The following GREB1 variants were observed in gnomAD, a reference collection of about 807,000 sequenced individuals.
The protein encoded by GREB1 is protein GREB1.
In GREB1, 106 loss-of-function variants were observed where a neutral mutation model predicts 200.7. The observed-to-expected ratio is 0.53, with a 90% CI of 0.45 to 0.62. The LOEUF (loss-of-function observed/expected upper bound fraction) is 0.62, where lower values mean the gene tolerates loss of function less well. Ranked by LOEUF, GREB1 falls within the 20% of genes least tolerant of loss-of-function variation. The pLI is 0.00. For synonymous variants in GREB1, 1,132 were observed against 1,092.4 expected (o/e 1.04, Z -0.72); for missense variants, 2,243 against 2,556.8 (o/e 0.88, Z 2.65).
intron 11 of GREB1, among the ~76,000 whole-genome samples, chr2:11,593,419 A>AACTC (rs10693974): frequency 0.4 from 60,872 of 151,774 alleles, 12,504 homozygotes; most frequent in African/African-American, 0.47. Flanking sequence ...TCACACCAGG[A>AACTC]TGGCCCTGTT....
At chr2:11,520,301 C>G (rs1461354749) in intron 1 of GREB1, among the ~76,000 whole-genome samples, 1 of 152,196 alleles carries the variant, frequency 6.6e-6, no homozygotes, top group African/African-American at 2.4e-5. Flanking sequence ...GATCTATTGG[C>G]TTAAAACAGC....
chr2:11,518,519 G>A (rs12468776), intron 1 of GREB1, among the ~76,000 whole-genome samples: 66,714 of 148,730 alleles, frequency 0.45, 16,904 homozygotes, highest in East Asian at 0.72. Context: ...GCTGCAGTGG[G>A]CAGGGGGCGG....
rs200072553 is a variant in GREB1 at position 11,635,251 on chromosome 2, C to T, written c.5211-19C>T. On this transcript the variant is annotated intron_variant, in intron 29 of 32. Coordinates refer to ENST00000381486, the MANE Select transcript of GREB1 (RefSeq NM_014668.4). ...GAGCTGTGCCCCATCAGACCCACCCCTCCTCTGGCCCTGAGTAGGTTCCTG... is the reference window on the plus strand; with the variant it reads ...GAGCTGTGCCCCATCAGACCCACCCTTCCTCTGGCCCTGAGTAGGTTCCTG... 11 of 1,614,024 alleles carry T rather than the reference C, an allele frequency of 6.8e-6. No individual in the cohort carries two copies. The Admixed American group carries it at 1.7e-4, about 24-fold the overall frequency.
At chr2:11,517,171 C>T (rs1673535404) in intron 1 of GREB1, among the ~76,000 whole-genome samples, 1 of 152,188 alleles carries the variant, frequency 6.6e-6, no homozygotes, top group Admixed American at 6.5e-5. Context: ...GCCAGGCTGG[C>T]CCTCTTCCCT....
At chr2:11,582,315 T>A (rs1376017064) in intron 7 of GREB1, among the ~76,000 whole-genome samples, 6 of 152,142 alleles carry the variant, frequency 3.9e-5, no homozygotes, top group Non-Finnish European at 7.4e-5. Context: ...ATGGAGCTCC[T>A]CCAAATTGCC....
intron 10 of GREB1, chr2:11,591,446 A>G: frequency 1.4e-6 from 1 of 721,042 alleles, no homozygotes; most frequent in South Asian, 1.5e-5. Context: ...CATAAAAGAG[A>G]AAATACCAGA....
intron 1 of GREB1, among the ~76,000 whole-genome samples, chr2:11,553,087 A>G (rs947053837): frequency 2.0e-5 from 3 of 150,896 alleles, no homozygotes; most frequent in Admixed American, 6.6e-5. Flanking sequence ...GTATGTACTT[A>G]TTGTTCTGAT....
intron 4 of GREB1, 59 bp from the exon 5 acceptor site, chr2:11,576,294 C>T (rs555281672): frequency 3.2e-5 from 45 of 1,391,886 alleles, no homozygotes; most frequent in East Asian, 3.0e-4. Flanking sequence ...ATGACAAGAA[C>T]GAGACTTCAT....
chr2:11,607,563 T>C (rs1443423759), intron 17 of GREB1, among the ~76,000 whole-genome samples: 1 of 132,216 alleles, frequency 7.6e-6, no homozygotes, highest in South Asian at 2.3e-4. Context: ...TACATATATA[T>C]ACGCATATAT....
At chr2:11,612,394 A>G in intron 18 of GREB1, 101 bp from the exon 19 acceptor site, 2 of 1,481,134 alleles carry the variant, frequency 1.4e-6, no homozygotes, top group Admixed American at 4.3e-5. Context: ...GATATAGTTC[A>G]AGGAGTTTAA....
intron 22 of GREB1, among the ~76,000 whole-genome samples, chr2:11,620,523 T>C (rs552586869): frequency 6.6e-6 from 1 of 152,230 alleles, no homozygotes; most frequent in Non-Finnish European, 1.5e-5. Context: ...CAATGAATTT[T>C]GCTGTCTTGT....
At chr2:11,590,059 G>A (rs561611260) in intron 10 of GREB1, among the ~76,000 whole-genome samples, 2 of 152,294 alleles carry the variant, frequency 1.3e-5, no homozygotes, top group African/African-American at 4.8e-5. Context: ...GGAGAGGAAA[G>A]TGCCAAGGTT....
At chr2:11,625,372 G>A (rs1341089843) in intron 24 of GREB1, 60 bp downstream of exon 24, 46 of 1,521,130 alleles carry the variant, frequency 3.0e-5, no homozygotes, top group Non-Finnish European at 4.1e-5. Context: ...CTCTTAAAGG[G>A]ATGAGCTGGA....
In GREB1 at chr2:11,620,893, A is replaced by G. The variant is rs1415579405; in HGVS notation, c.4045-12A>G. ...TTCCTCACTGGGGGTTTTAACTCCT[A>G]TACCTTTACAGATCGGGAAGACAGG... On this transcript the variant is annotated splice_polypyrimidine_tract_variant and intron_variant, in intron 22 of 32. Transcript: ENST00000381486. 2.6e-6 allele frequency: 4 copies of G among 1,562,254 alleles called. No individual in the cohort carries two copies. The highest frequency in any genetic ancestry group is 2.7e-5 in the African/African-American group (2 of 74,000).
In GREB1 at chr2:11,566,525, A is replaced by G. The variant is rs763139095; in HGVS notation, c.323A>G (p.Asn108Ser). Residue 108 changes from asparagine to serine, a missense_variant, in exon 4 of 33, where the codon AAC (asparagine) becomes AGC (serine). Physicochemically the swap from Asn to Ser is conservative, Grantham distance 46. Transcript: ENST00000381486. ...GACCTGCGCCTTGTCTCCATTTCCA[A>G]CGAGCCCATGGATGTCCCTGCGGGC... Reference protein sequence around the residue: ...GKDLRLVSISNEPMDVPAGFL... With the variant: ...GKDLRLVSISSEPMDVPAGFL... 4.0e-5 allele frequency: 65 copies of G among 1,613,484 alleles called. No homozygotes were observed. Among genetic ancestry groups the G allele is most frequent in the South Asian group, 5.5e-5 (5 of 91,020 alleles).
At chr2:11,536,856 T>G (rs1460465020) in intron 1 of GREB1, among the ~76,000 whole-genome samples, 1 of 152,238 alleles carries the variant, frequency 6.6e-6, no homozygotes, top group African/African-American at 2.4e-5. Context: ...CTCCTCATAA[T>G]AGTAAGTTAC....
At chr2:11,610,512 T>C (rs1682820281) in intron 17 of GREB1, among the ~76,000 whole-genome samples, 176 bp from the exon 18 acceptor site, 1 of 152,246 alleles carries the variant, frequency 6.6e-6, no homozygotes, top group Non-Finnish European at 1.5e-5. Flanking sequence ...ACTGTATAAT[T>C]TGATTTCTAA....
chr2:11,632,159 G>A (rs747973708), intron 27 of GREB1, 46 bp downstream of exon 27: 10 of 1,349,096 alleles, frequency 7.4e-6, no homozygotes, highest in Admixed American at 6.9e-5. Flanking sequence ...TCCTGTGAAC[G>A]AACACTTGAG....
Position 11,493,586 on chromosome 2 carries a change from G to GC in GREB1, c.-159+11208dup, listed in dbSNP as rs201949715. ...GGCCATGGACCAGTACCAGTCTGTG[G>GC]CCCGGGGACTGGGGACCCCTGAATT... is the stretch of plus-strand genomic sequence containing the variant. On this transcript the variant is annotated intron_variant, in intron 1 of 2. Transcript: ENST00000628795. This position sits in a 1 kb window ranked among gnomAD's most constrained non-coding sequence, Gnocchi z 4.6. Among the ~76,000 whole-genome samples, 236 of 152,304 alleles carry GC rather than the reference G, an allele frequency of 1.5e-3. 6 individuals carry two copies. The East Asian group carries it at 0.039, about 25-fold the overall frequency.
Sources: gnomAD v4.1 joint callset for allele counts (sites outside exome capture counted in the v4.1 genomes callset) on GRCh38, gnomAD v4.1.1 for gene constraint, Gnocchi (gnomAD v3.1) non-coding constraint, MANE v1.5 for transcripts, NCBI Gene and HGNC (gene_info 2026-07-23, HGNC 2026-07-21) for gene names.